FOXO1: variants seen among roughly 807,000 people sequenced by gnomAD.
FOXO1 encodes the protein forkhead box O1.
In FOXO1, 6 loss-of-function variants were observed where a neutral mutation model predicts 44.1. The observed-to-expected ratio is 0.14, with a 90% CI of 0.07 to 0.27. FOXO1 has a LOEUF of 0.27. Among genes scored for constraint, FOXO1 ranks in the 10% least tolerant of loss-of-function variants. The pLI is 1.00. For missense variants in FOXO1, 737 were observed against 888.8 expected, an observed-to-expected ratio of 0.83 and a Z score of 2.17; for synonymous variants, 380 against 362.7, an observed-to-expected ratio of 1.05 and a Z score of -0.54.
intron 1 of FOXO1, among the ~76,000 whole-genome samples, chr13:40,652,665 G>A (rs1206489329): frequency 2.6e-5 from 4 of 152,168 alleles, no homozygotes; most frequent in Non-Finnish European, 5.9e-5. Context: ...GGTTAGAGAA[G>A]AGAAAAAACC....
intron 1 of FOXO1, among the ~76,000 whole-genome samples, chr13:40,594,414 G>A (rs1355786056): frequency 6.6e-6 from 1 of 152,142 alleles, no homozygotes; most frequent in Admixed American, 6.5e-5. Context: ...GGAAACTGAG[G>A]CCCAGGGAGA....
chr13:40,638,495 A>G (rs1015779969), intron 1 of FOXO1, among the ~76,000 whole-genome samples: 3 of 152,222 alleles, frequency 2.0e-5, no homozygotes, highest in African/African-American at 7.2e-5. Flanking sequence ...GGAAAAGTAA[A>G]TAGAATTCTG....
At chr13:40,661,102 C>A (rs1593419767) in intron 1 of FOXO1, among the ~76,000 whole-genome samples, 1 of 152,302 alleles carries the variant, frequency 6.6e-6, no homozygotes, top group East Asian at 1.9e-4. Context: ...ATGAAGTATT[C>A]CAATTTGGCA....
chr13:40,571,463 C>G (rs1874494114), intron 1 of FOXO1, among the ~76,000 whole-genome samples: 1 of 152,128 alleles, frequency 6.6e-6, no homozygotes, highest in African/African-American at 2.4e-5. Flanking sequence ...TTTGATGCAG[C>G]CTGCAGTTAC....
intron 1 of FOXO1, among the ~76,000 whole-genome samples, chr13:40,638,133 C>T (rs1877221911): frequency 6.6e-6 from 1 of 152,166 alleles, no homozygotes. Context: ...GGCTGGAATG[C>T]TGTGAAGGTT....
intron 1 of FOXO1, among the ~76,000 whole-genome samples, chr13:40,655,010 T>C (rs997814385): frequency 3.3e-5 from 5 of 152,138 alleles, no homozygotes; most frequent in African/African-American, 9.7e-5. Flanking sequence ...AAAGATGTGC[T>C]GTAATTCTGA....
chr13:40,634,298 T>C (rs1460944112), intron 1 of FOXO1, among the ~76,000 whole-genome samples: 1 of 152,224 alleles, frequency 6.6e-6, no homozygotes, highest in Non-Finnish European at 1.5e-5. Context: ...TTTAACTGGT[T>C]CATATCCACA....
At chr13:40,594,504 C>T (rs972380131) in intron 1 of FOXO1, among the ~76,000 whole-genome samples, 1 of 152,200 alleles carries the variant, frequency 6.6e-6, no homozygotes, top group Admixed American at 6.5e-5. Context: ...ACTGAAAGAG[C>T]AGAATGCATG....
intron 1 of FOXO1, among the ~76,000 whole-genome samples, chr13:40,636,800 A>G (rs1449825468): frequency 6.6e-6 from 1 of 152,154 alleles, no homozygotes; most frequent in Non-Finnish European, 1.5e-5. Context: ...TGGCCAAAAA[A>G]TAATAATAAT....
intron 1 of FOXO1, 113 bp downstream of exon 1, chr13:40,665,469 TG>T: frequency 1.0e-6 from 1 of 963,172 alleles, no homozygotes; most frequent in African/African-American, 1.7e-5. Flanking sequence ...CCCGCCCTCC[TG>T]GGAACGCGCT....
chr13:40,566,513 G>A (rs1874274586), intron 1 of FOXO1, among the ~76,000 whole-genome samples: 1 of 151,944 alleles, frequency 6.6e-6, no homozygotes, highest in Non-Finnish European at 1.5e-5. Flanking sequence ...TGAGTAGCTG[G>A]GATTACAGTC....
intron 1 of FOXO1, among the ~76,000 whole-genome samples, chr13:40,627,072 C>T (rs1023492529): frequency 1.1e-4 from 16 of 152,156 alleles, no homozygotes; most frequent in African/African-American, 3.9e-4. Flanking sequence ...AGAACACAAG[C>T]ATTAGAACAC....
At chr13:40,569,952 G>C (rs1278065181) in intron 1 of FOXO1, among the ~76,000 whole-genome samples, 2 of 151,790 alleles carry the variant, frequency 1.3e-5, no homozygotes, top group Non-Finnish European at 2.9e-5. Context: ...TTAGAATGAT[G>C]TTCTTTCTCA....
At chr13:40,629,228 C>T (rs113377887) in intron 1 of FOXO1, among the ~76,000 whole-genome samples, 29,251 of 151,974 alleles carry the variant, frequency 0.19, 2,964 homozygotes, top group South Asian at 0.29. Flanking sequence ...CTGCAACCTC[C>T]GCCTCCCGGG....
At chr13:40,628,391 C>CACACACACA (rs1566079585) in intron 1 of FOXO1, among the ~76,000 whole-genome samples, 4 of 119,952 alleles carry the variant, frequency 3.3e-5, no homozygotes, top group South Asian at 5.9e-4. Flanking sequence ...ACACACACAC[C>CACACACACA]CCGTGAGGGT....
chr13:40,636,068 G>A (rs1251135091), intron 1 of FOXO1, among the ~76,000 whole-genome samples: 1 of 152,098 alleles, frequency 6.6e-6, no homozygotes, highest in African/African-American at 2.4e-5. Flanking sequence ...ATATTAGCCA[G>A]GCGTGGCATG....
At chr13:40,658,254 T>G (rs897372599) in intron 1 of FOXO1, among the ~76,000 whole-genome samples, 1 of 152,076 alleles carries the variant, frequency 6.6e-6, no homozygotes, top group Non-Finnish European at 1.5e-5. Context: ...TACTAAAAGC[T>G]AAACGAGGGG....
At position 40,557,581 on chromosome 13, in the gene FOXO1, C is replaced by T. The variant is rs1307757322; in HGVS notation, c.*1468G>A. On this transcript the variant is annotated 3_prime_UTR_variant, in exon 3 of 3. Coordinates refer to ENST00000379561, the MANE Select transcript of FOXO1 (RefSeq NM_002015.4). ...GTCCCATTTTTAAATTCCCTCCTTC[C>T]ACTTAAACTTCCACAGTGTGCTAAG... is the stretch of plus-strand genomic sequence containing the variant. 1 of 152,170 alleles carries T rather than the reference C, an allele frequency of 6.6e-6. No individual in the cohort carries two copies. Among genetic ancestry groups the T allele is most frequent in the Admixed American group, 6.5e-5 (1 of 15,284 alleles). 9.4% of individuals were successfully genotyped at this position (152,170 alleles called of 1,614,324 possible). A position where few individuals can be genotyped will look rare whatever the true frequency, so the allele number is the denominator to read the frequency against.
intron 1 of FOXO1, among the ~76,000 whole-genome samples, chr13:40,575,250 A>G (rs1168395948): frequency 1.3e-5 from 2 of 152,096 alleles, no homozygotes; most frequent in Non-Finnish European, 2.9e-5. Context: ...CAGAGGCAGG[A>G]GGATAGCTTG....
Sources: gnomAD v4.1 joint callset for allele counts (sites outside exome capture counted in the v4.1 genomes callset) on GRCh38, gnomAD v4.1.1 for gene constraint, MANE v1.5 for transcripts, NCBI Gene and HGNC (gene_info 2026-07-23, HGNC 2026-07-21) for gene names.